Variants in MYBBP1A observed in about 807,000 individuals in gnomAD.
The protein encoded by MYBBP1A is MYB binding protein 1a.
In MYBBP1A, 147 loss-of-function variants were observed where a neutral mutation model predicts 136.3. That is an observed-to-expected ratio of 1.08 (90% CI 0.94 to 1.24). MYBBP1A has a LOEUF of 1.24. MYBBP1A is among the 50% of genes most tolerant of loss of function. MYBBP1A has a pLI of 0.00. For missense variants in MYBBP1A, 2,060 were observed against 1,727.4 expected (o/e 1.19, Z -3.41); for synonymous variants, 947 against 735.8 (o/e 1.29, Z -4.65).
chr17:4,550,067 G>A lies in MYBBP1A; in HGVS notation c.1310C>T (p.Ser437Leu), dbSNP rs202065116. ...TNNQKKAQDS[S>L]LHMPERAVFR... is the part of the protein sequence containing the mutation. ...CCCAAGGTCCACTCACATGTGGAGC[G>A]ATGAATCCTGGGCTTTCTTCTGGTT... The change falls in exon 9 of 26, where the codon TCG becomes TTG. Residue 437 changes from serine (S) to leucine (L), a missense_variant. Ser to Leu is a moderately radical substitution (Grantham distance 145). Transcript: ENST00000254718. 9.3e-6 allele frequency: 15 copies of A among 1,611,216 alleles called. No individual in the cohort carries two copies. The highest frequency in any genetic ancestry group is 1.6e-4 in the Middle Eastern group (1 of 6,076).
At chr17:4,541,728 G>A (rs1224348851) in intron 23 of MYBBP1A, 56 bp downstream of exon 23, 4 of 1,524,244 alleles carry the variant, frequency 2.6e-6, no homozygotes, top group East Asian at 2.2e-5. Context: ...CCAGAGATCG[G>A]TCTCCCGGAG....
At chr17:4,553,014 G>GT (rs1267678312) in intron 5 of MYBBP1A, among the ~76,000 whole-genome samples, 1 of 152,120 alleles carries the variant, frequency 6.6e-6, no homozygotes, top group Non-Finnish European at 1.5e-5. Flanking sequence ...TAGAGATGGG[G>GT]TTTCACCATG....
At chr17:4,547,577 G>A (rs903025766) in intron 13 of MYBBP1A, 4 of 198,202 alleles carry the variant, frequency 2.0e-5, no homozygotes, top group African/African-American at 4.6e-5. Context: ...ACTGAGCCTC[G>A]AATGTGGTCA....
chr17:4,549,990 G>C, intron 9 of MYBBP1A, 68 bp downstream of exon 9: 1 of 1,523,164 alleles, frequency 6.6e-7, no homozygotes, highest in Non-Finnish European at 8.9e-7. Flanking sequence ...GCGGGCTTGG[G>C]TCGCGGGGCT....
intron 25 of MYBBP1A, among the ~76,000 whole-genome samples, 173 bp downstream of exon 25, chr17:4,540,164 CGAGGGTCCTGT>C (rs3833100): frequency 1.6e-5 from 2 of 124,068 alleles, no homozygotes; most frequent in Admixed American, 7.3e-5. Flanking sequence ...GAGGCTCCTG[CGAGGGTCCTGT>C]GAGGGTCCTA....
Position 4,548,199 on chromosome 17 carries a change from G to A in MYBBP1A, c.1668C>T (p.Ser556=), listed in dbSNP as rs780482615. The part of the protein sequence containing the change: ...VQFADLLLNH[S]HNVTTVTPFT... ...AGGGTGTCACGGTGGTCACGTTGTG[G>A]CTGTGATTCAACAGGAGGTCTGCGA... is the stretch of plus-strand genomic sequence containing the variant. The change falls in exon 12 of 26, where the codon AGC becomes AGT. Residue 556 remains serine (S), a synonymous_variant. Transcript: ENST00000254718. The surrounding 1 kb of genome is among the most constrained non-coding windows in gnomAD (Gnocchi z 4.2). 4 of 1,607,722 alleles carry A rather than the reference G, an allele frequency of 2.5e-6. No individual in the cohort carries two copies. The African/African-American group carries it at 4.0e-5, about 16-fold the overall frequency.
chr17:4,543,354 C>T (rs181326174), intron 19 of MYBBP1A, 189 bp from the exon 20 acceptor site: 814 of 764,828 alleles, frequency 1.1e-3, no homozygotes, highest in Non-Finnish European at 1.4e-3. Context: ...GCTCAGAGTG[C>T]TGGGGTGACA....
In MYBBP1A at chr17:4,549,398, C is replaced by T. The variant is rs773733482; in HGVS notation, c.1364G>A (p.Arg455Gln). ...VFRLRKWIIF[R>Q]LVSIVDSLHL... ...CAGGCTGTCCACAATGCTCACCAATCGAAAGATGATCCATTTCCTCAGCCG... is the reference window on the plus strand; with the variant it reads ...CAGGCTGTCCACAATGCTCACCAATTGAAAGATGATCCATTTCCTCAGCCG... Residue 455 changes from arginine (R) to glutamine (Q), a missense_variant, in exon 10 of 26, where the codon CGA becomes CAA. Physicochemically the swap from Arg to Gln is conservative, Grantham distance 43 (BLOSUM62 1). Transcript: ENST00000254718. The T allele has an allele frequency of 1.1e-5, 18 of 1,613,210 alleles. No individual in the cohort carries two copies. The highest frequency in any genetic ancestry group is 3.3e-4 in the Middle Eastern group (2 of 6,084).
At position 4,542,625 on chromosome 17, in the gene MYBBP1A, G is replaced by C. The variant is rs748740336; in HGVS notation, c.3009C>G (p.Ser1003=). Residue 1003 remains serine, a synonymous_variant, in exon 21 of 26, where the codon TCC becomes TCG. Coordinates refer to ENST00000254718, the MANE Select transcript of MYBBP1A (RefSeq NM_014520.4). Reference sequence around the variant, plus strand: ...AGGCCCCAACACTCACCGGGTGCCGGGAGAAGAGGCTGAGGAACATGGGAA... The same window carrying C: ...AGGCCCCAACACTCACCGGGTGCCGCGAGAAGAGGCTGAGGAACATGGGAA... The part of the protein sequence containing the change: ...LTVPMFLSLF[S]RHPVLCQSLL... The C allele has an allele frequency of 4.6e-5, 75 of 1,613,878 alleles. 1 individual carries two copies. The Middle Eastern group carries it at 2.5e-3, about 53-fold the overall frequency.
chr17:4,539,770 T>C lies in MYBBP1A; in HGVS notation c.3632A>G (p.Lys1211Arg), dbSNP rs763655182. Residue 1211 changes from lysine (K) to arginine (R), a missense_variant, in exon 26 of 26, where the codon AAG becomes AGG. Lys to Arg is a conservative substitution (Grantham distance 26, BLOSUM62 2). Coordinates refer to ENST00000254718, the MANE Select transcript of MYBBP1A (RefSeq NM_014520.4). ...GGSQPPSMGR[K>R]KRNRTKAKVP... ...CTTAGCCTTTGTCCTGTTCCTCTTC[T>C]TCCTGCCCATGCTGGGGGGCTGGCT... The C allele has an allele frequency of 7.4e-6, 12 of 1,613,054 alleles. No individual in the cohort carries two copies. The East Asian group carries it at 2.7e-4, about 36-fold the overall frequency.
Position 4,539,134 on chromosome 17 carries a change from A to ACCAAC in MYBBP1A, c.*276_*280dup. On this transcript the variant is annotated 3_prime_UTR_variant, in exon 26 of 26. Coordinates refer to ENST00000254718, the MANE Select transcript of MYBBP1A (RefSeq NM_014520.4). ...GCCTGCAGCCAGCACATCAACCTGC[A>ACCAAC]CCAACCCAGGCAAACACCAGAGCCC... is the stretch of plus-strand genomic sequence containing the variant. The ACCAAC allele has an allele frequency of 6.7e-7, 1 of 1,490,900 alleles. No homozygotes were observed. The highest frequency in any genetic ancestry group is 2.4e-5 in the East Asian group (1 of 41,734). The allele number at this position is 1,490,900 out of a possible 1,614,324, so 92.4% of individuals were successfully genotyped here.
Position 4,548,364 on chromosome 17 carries a change from C to T in MYBBP1A, c.1557-54G>A. The stretch of plus-strand genomic sequence containing the variant: ...CAGACCAGATGAGTCAATGTAGCCG[C>T]CTCCCTCCGCCCTCCCCAGGGCTCG... On this transcript the variant is annotated intron_variant, in intron 11 of 25. Coordinates refer to ENST00000254718, the MANE Select transcript of MYBBP1A (RefSeq NM_014520.4). This position sits in a 1 kb window ranked among gnomAD's most constrained non-coding sequence, Gnocchi z 4.2. 6.2e-7 allele frequency: 1 copy of T among 1,603,956 alleles called. No homozygotes were observed. The highest frequency in any genetic ancestry group is 8.5e-7 in the Non-Finnish European group (1 of 1,175,318).
At chr17:4,543,473 T>G (rs1025178839) in intron 19 of MYBBP1A, among the ~76,000 whole-genome samples, 8 of 152,132 alleles carry the variant, frequency 5.3e-5, no homozygotes, top group African/African-American at 1.7e-4. Context: ...CATGGGGCAG[T>G]GGCCTTCAGG....
chr17:4,545,423 A>G (rs1906911654), intron 15 of MYBBP1A, 78 bp from the exon 16 acceptor site: 3 of 1,576,008 alleles, frequency 1.9e-6, no homozygotes, highest in Non-Finnish European at 2.6e-6. Context: ...TTGACCAAAG[A>G]CCTCCATTTC....
At chr17:4,543,451 A>G (rs150942242) in intron 19 of MYBBP1A, among the ~76,000 whole-genome samples, 4 of 152,250 alleles carry the variant, frequency 2.6e-5, no homozygotes, top group African/African-American at 9.6e-5. Flanking sequence ...CCTCCTGTCT[A>G]CACTTGTCTC....
At position 4,539,229 on chromosome 17, in the gene MYBBP1A, C is replaced by G. The variant is rs1248532558; in HGVS notation, c.*186G>C. The G allele has an allele frequency of 4.8e-6, 7 of 1,466,768 alleles. No homozygotes were observed. Among genetic ancestry groups the G allele is most frequent in the Non-Finnish European group, 6.2e-6 (7 of 1,120,212 alleles). 90.9% of individuals were successfully genotyped at this position (1,466,768 alleles called of 1,614,324 possible). A position where few individuals can be genotyped will look rare whatever the true frequency, so the allele number is the denominator to read the frequency against. On this transcript the variant is annotated 3_prime_UTR_variant, in exon 26 of 26. Transcript: ENST00000254718. ...GGGGAGGTCTCTGCACCCTGGGACC[C>G]CTGCAGGAATGGCTCAGGCTGTGCT...
Position 4,553,873 on chromosome 17 carries a change from C to G in MYBBP1A, c.498G>C (p.Leu166=). The G allele has an allele frequency of 6.2e-7, 1 of 1,614,046 alleles. No homozygotes were observed. ...CCTGCAAGTGGTTTTGGTACTGGGC[C>G]AGGGCCTGCAGCAGCTTCACCGACT... ...LMKSVKLLQA[L]AQYQNHLQEQ... Residue 166 remains leucine, a synonymous_variant, in exon 5 of 26, where the codon CTG becomes CTC. Coordinates refer to ENST00000254718, the MANE Select transcript of MYBBP1A (RefSeq NM_014520.4).
chr17:4,543,152 G>A lies in MYBBP1A; in HGVS notation c.2653C>T (p.Arg885Cys), dbSNP rs148844016. 1.2e-3 allele frequency: 1,943 copies of A among 1,606,766 alleles called. 3 individuals are homozygous for A. Among genetic ancestry groups the A allele is most frequent in the Non-Finnish European group, 1.4e-3 (1,667 of 1,177,028 alleles). ...AAGTCGTGGCAGTAGCGCCGGGCACGGCACAGGTGGTGCCTGTGGGTGGTG... is the reference window on the plus strand; with the variant it reads ...AAGTCGTGGCAGTAGCGCCGGGCACAGCACAGGTGGTGCCTGTGGGTGGTG... ...TARIFTHHLC[R>C]ARRYCHDLGE... Residue 885 changes from arginine (R) to cysteine (C), a missense_variant, in exon 20 of 26, where the codon CGT becomes TGT. Transcript: ENST00000254718.
rs755630029 is a variant in MYBBP1A, at chr17:4,554,914, G to A, written c.241C>T (p.Leu81Phe). 2 of 1,613,564 alleles carry A rather than the reference G, an allele frequency of 1.2e-6. No homozygotes were observed. Among genetic ancestry groups the A allele is most frequent in the East Asian group, 4.5e-5 (2 of 44,886 alleles). ...KYALKRLITG[L>F]GVGRETARPC... is the part of the protein sequence containing the mutation. Reference sequence around the variant, plus strand: ...CGGGCTGTTTCTCGCCCGACCCCGAGTCCCGTGATTAGACGCTTCAGGGCA... The same window carrying A: ...CGGGCTGTTTCTCGCCCGACCCCGAATCCCGTGATTAGACGCTTCAGGGCA... The change falls in exon 2 of 26, where the codon CTC (leucine) becomes TTC (phenylalanine). Residue 81 changes from leucine to phenylalanine, a missense_variant. By Grantham distance (22) the Leu-to-Phe change is conservative. Transcript: ENST00000254718.
Sources: gnomAD v4.1 joint callset for allele counts (sites outside exome capture counted in the v4.1 genomes callset) on GRCh38, gnomAD v4.1.1 for gene constraint, Gnocchi (gnomAD v3.1) non-coding constraint, MANE v1.5 for transcripts, NCBI Gene and HGNC (gene_info 2026-07-23, HGNC 2026-07-21) for gene names.